The following ST18 variants were observed in gnomAD, a reference collection of about 807,000 sequenced individuals.
ST18 encodes the protein ST18 C2H2C-type zinc finger transcription factor.
In ST18, 50 loss-of-function variants were observed where a neutral mutation model predicts 110.0. The ratio of observed to expected loss-of-function variants is 0.45; its 90% CI spans 0.36 to 0.58. The LOEUF (loss-of-function observed/expected upper bound fraction) is 0.58, where lower values mean the gene tolerates loss of function less well. ST18 is among the 20% of genes least tolerant of loss of function. ST18 has a pLI of 0.00. For synonymous variants in ST18, 461 were observed against 452.4 expected (o/e 1.02, Z -0.24); for missense variants, 1,306 against 1,280.1 (o/e 1.02, Z -0.31).
chr8:52,188,871 A>T (rs2073401910), intron 8 of ST18, among the ~76,000 whole-genome samples: 1 of 152,196 alleles, frequency 6.6e-6, no homozygotes, highest in Admixed American at 6.5e-5. Flanking sequence ...TAAGAACTGG[A>T]ATCATGTAGT....
chr8:52,155,371 T>TTA (rs1281188714), intron 15 of ST18, among the ~76,000 whole-genome samples: 2 of 152,172 alleles, frequency 1.3e-5, no homozygotes, highest in African/African-American at 4.8e-5. Context: ...TACAAATATG[T>TTA]TATATATATG....
chr8:52,302,807 A>G (rs2095749598), intron 2 of ST18, among the ~76,000 whole-genome samples: 1 of 152,232 alleles, frequency 6.6e-6, no homozygotes, highest in African/African-American at 2.4e-5. Context: ...TATATTTTAA[A>G]TACTAGAGCA....
chr8:52,363,938 A>G (rs1178424172), intron 2 of ST18, among the ~76,000 whole-genome samples: 1 of 152,206 alleles, frequency 6.6e-6, no homozygotes, highest in African/African-American at 2.4e-5. Flanking sequence ...AAGTACAGGA[A>G]TCATTGGCAA....
intron 2 of ST18, among the ~76,000 whole-genome samples, chr8:52,253,282 T>C (rs1017584340): frequency 3.9e-5 from 6 of 152,106 alleles, no homozygotes; most frequent in Non-Finnish European, 8.8e-5. Flanking sequence ...TGAGGCAAAG[T>C]ATTGTTTATC....
upstream of ST18, chr8:52,409,785 CTT>C (rs1845801087): frequency 6.6e-6 from 1 of 152,286 alleles, no homozygotes; most frequent in South Asian, 2.1e-4. Context: ...AACTTGCTAA[CTT>C]TGCTCTGTGT....
intron 3 of ST18, among the ~76,000 whole-genome samples, chr8:52,225,320 A>C (rs923828259): frequency 1.3e-5 from 2 of 152,212 alleles, no homozygotes; most frequent in African/African-American, 4.8e-5. Flanking sequence ...CATGACTGAT[A>C]ATTCTAACAC....
chr8:52,172,133 A>C lies in ST18; in HGVS notation c.728T>G (p.Phe243Cys). The part of the protein sequence containing the change: ...VPEIKTEGDK[F>C]IPCENRCDSE... ...ATCACACCTGTTCTCACAAGGGATA[A>C]ATTTGTCACCTTCAGTTTTTATTTC... Residue 243 changes from phenylalanine to cysteine, a missense_variant, in exon 10 of 26, where the codon TTT becomes TGT. Phe to Cys is a radical substitution (Grantham distance 205). Coordinates refer to ENST00000689386, the MANE Select transcript of ST18 (RefSeq NM_001352837.2). 1 of 1,614,142 alleles carries C rather than the reference A, an allele frequency of 6.2e-7. No homozygotes were observed. Among genetic ancestry groups the C allele is most frequent in the Non-Finnish European group, 8.5e-7 (1 of 1,180,026 alleles).
intron 8 of ST18, among the ~76,000 whole-genome samples, chr8:52,202,307 T>C (rs1028810206): frequency 6.6e-6 from 1 of 152,164 alleles, no homozygotes; most frequent in Non-Finnish European, 1.5e-5. Flanking sequence ...TAAAATAAAA[T>C]ATTTCTCTAG....
intron 2 of ST18, among the ~76,000 whole-genome samples, chr8:52,237,077 C>T (rs1171065731): frequency 1.3e-5 from 2 of 152,174 alleles, no homozygotes; most frequent in Non-Finnish European, 2.9e-5. Context: ...TATAACAGAT[C>T]CTCCCTCTAG....
intron 8 of ST18, among the ~76,000 whole-genome samples, chr8:52,206,050 C>T (rs1046324937): frequency 5.3e-5 from 8 of 152,266 alleles, no homozygotes; most frequent in African/African-American, 9.6e-5. Flanking sequence ...CAATATGGCA[C>T]GGCTGCAGGA....
intron 15 of ST18, chr8:52,154,327 T>A (rs1384534844): frequency 6.6e-6 from 1 of 152,346 alleles, no homozygotes; most frequent in East Asian, 1.9e-4. Context: ...AAACAGACTT[T>A]GAACTTTAAA....
chr8:52,369,294 G>A (rs1345017938), intron 2 of ST18, among the ~76,000 whole-genome samples: 3 of 152,196 alleles, frequency 2.0e-5, no homozygotes, highest in Non-Finnish European at 2.9e-5. Flanking sequence ...CTTGTAATTA[G>A]TTGTGGTCCT....
At chr8:52,143,647 C>T (rs1477575128) in intron 16 of ST18, among the ~76,000 whole-genome samples, 1 of 152,078 alleles carries the variant, frequency 6.6e-6, no homozygotes, top group East Asian at 1.9e-4. Flanking sequence ...ATTTCTTGAC[C>T]CATGTAATTA....
intron 24 of ST18, 76 bp from the exon 25 acceptor site, chr8:52,116,494 T>C: frequency 7.0e-7 from 1 of 1,427,280 alleles, no homozygotes; most frequent in Non-Finnish European, 9.5e-7. Context: ...TGAAGGAAAA[T>C]GCACCAAGTG....
chr8:52,274,137 T>C (rs2095163375), intron 2 of ST18, among the ~76,000 whole-genome samples: 1 of 152,186 alleles, frequency 6.6e-6, no homozygotes, highest in South Asian at 2.1e-4. Context: ...GGCCAACTGT[T>C]AATAGAAAGC....
intron 2 of ST18, among the ~76,000 whole-genome samples, chr8:52,332,879 A>G (rs1362788164): frequency 4.6e-5 from 7 of 152,110 alleles, no homozygotes; most frequent in African/African-American, 1.7e-4. Flanking sequence ...ATATATATAT[A>G]TGACCAATGG....
At position 52,325,568 on chromosome 8, in the gene ST18, C is replaced by T. The variant is rs1334672334; in HGVS notation, c.-465+83760G>A. 2.6e-5 allele frequency among the ~76,000 whole-genome samples: 4 copies of T among 152,096 alleles called. No individual in the cohort carries two copies. The East Asian group carries it at 7.7e-4, about 29-fold the overall frequency. ...CTATGTATTGTTATAATTATTATTACACCATACTAATGAATTAATAACAAT... is the reference window on the plus strand; with the variant it reads ...CTATGTATTGTTATAATTATTATTATACCATACTAATGAATTAATAACAAT... On this transcript the variant is annotated intron_variant, in intron 2 of 25. Transcript: ENST00000689386.
At chr8:52,262,121 G>A (rs2094713608) in intron 2 of ST18, among the ~76,000 whole-genome samples, 1 of 152,190 alleles carries the variant, frequency 6.6e-6, no homozygotes, top group East Asian at 1.9e-4. Flanking sequence ...AAGGGGAAGA[G>A]CATGTGTGCA....
intron 2 of ST18, among the ~76,000 whole-genome samples, chr8:52,316,544 C>CTT (rs1181067701): frequency 6.6e-6 from 1 of 152,162 alleles, no homozygotes. Context: ...AACTTCATTA[C>CTT]TTTGTTATAG....
Sources: allele counts gnomAD v4.1 joint callset (sites outside exome capture counted in the v4.1 genomes callset), GRCh38; gene constraint gnomAD v4.1.1; transcripts MANE v1.5; gene names NCBI Gene and HGNC (gene_info 2026-07-23, HGNC 2026-07-21).